The following ZNF362 variants were observed in gnomAD, a reference collection of about 807,000 sequenced individuals.
ZNF362 encodes the protein zinc finger protein 362, also known as rotund homolog.
ZNF362 carries 11 observed loss-of-function variants against 42.9 expected under a neutral mutation model. The observed-to-expected ratio is 0.26, with a 90% CI of 0.16 to 0.42. ZNF362 has a LOEUF of 0.42. Ranked by LOEUF, ZNF362 falls within the 20% of genes least tolerant of loss-of-function variation. The probability of loss-of-function intolerance (pLI) is 1.00; values close to 1 mark genes in which losing one functional copy is unlikely to be tolerated. For missense variants in ZNF362, 362 were observed against 576.2 expected, an observed-to-expected ratio of 0.63 and a Z score of 3.81; for synonymous variants, 255 against 257.3, an observed-to-expected ratio of 0.99 and a Z score of 0.09.
chr1:33,220,886 G>A, the ZNF362 span, among the ~76,000 whole-genome samples: 1 of 152,184 alleles, frequency 6.6e-6, no homozygotes, highest in South Asian at 2.1e-4. Flanking sequence ...TTCTGGGCAA[G>A]TTCTTTGAAT....
chr1:33,165,288 A>G, the ZNF362 span: 7 of 540,528 alleles, frequency 1.3e-5, no homozygotes, highest in South Asian at 9.3e-5. The surrounding 1 kb of genome is among the most constrained non-coding windows in gnomAD (Gnocchi z 4.0). Context: ...GTGCCGCCCC[A>G]TTGAACTTCA....
At chr1:33,220,085 C>T in the ZNF362 span, among the ~76,000 whole-genome samples, 15 of 152,020 alleles carry the variant, frequency 9.9e-5, no homozygotes, top group Non-Finnish European at 1.5e-4. Context: ...AGAGGGAGAG[C>T]GCAGTGGAGC....
intron 1 of ZNF362, among the ~76,000 whole-genome samples, chr1:33,262,845 C>T (rs533838608): frequency 6.6e-6 from 1 of 152,314 alleles, no homozygotes; most frequent in East Asian, 1.9e-4. Flanking sequence ...AAACTGGATC[C>T]CTAGGAGCCA....
the ZNF362 span, among the ~76,000 whole-genome samples, chr1:33,150,136 T>C: frequency 6.6e-6 from 1 of 152,232 alleles, no homozygotes; most frequent in Non-Finnish European, 1.5e-5. Flanking sequence ...TTGGCTTTCC[T>C]TAGCCTGAAT....
upstream of ZNF362, among the ~76,000 whole-genome samples, chr1:33,253,908 A>G (rs1645772655): frequency 6.6e-6 from 1 of 152,138 alleles, no homozygotes. Flanking sequence ...TATGTTTTAG[A>G]ACATTTTTAG....
chr1:33,245,112 G>A, the ZNF362 span, among the ~76,000 whole-genome samples: 2 of 152,114 alleles, frequency 1.3e-5, no homozygotes, highest in African/African-American at 2.4e-5. Context: ...CTTCTCCTTC[G>A]CAGGGGCCTG....
the ZNF362 span, among the ~76,000 whole-genome samples, chr1:33,175,863 T>C: frequency 6.6e-6 from 1 of 152,226 alleles, no homozygotes; most frequent in African/African-American, 2.4e-5. Flanking sequence ...TATAATTTTA[T>C]AGAGTCATTG....
chr1:33,220,165 G>C, the ZNF362 span, among the ~76,000 whole-genome samples: 2 of 152,162 alleles, frequency 1.3e-5, no homozygotes, highest in Admixed American at 1.3e-4. Flanking sequence ...GGGCAGGGAA[G>C]GGGTTGTAAG....
At chr1:33,226,602 C>T in the ZNF362 span, among the ~76,000 whole-genome samples, 3 of 152,294 alleles carry the variant, frequency 2.0e-5, no homozygotes, top group East Asian at 1.9e-4. Flanking sequence ...CCATGGCTCA[C>T]GCCTGTAATC....
At chr1:33,290,718 A>T (rs1211479330) in intron 6 of ZNF362, among the ~76,000 whole-genome samples, 1 of 152,088 alleles carries the variant, frequency 6.6e-6, no homozygotes, top group African/African-American at 2.4e-5. Context: ...TATCCTCTCC[A>T]GCACCTGTTG....
the ZNF362 span, chr1:33,181,043 G>T: frequency 6.3e-7 from 1 of 1,593,164 alleles, no homozygotes; most frequent in Non-Finnish European, 8.5e-7. The surrounding 1 kb of genome is among the most constrained non-coding windows in gnomAD (Gnocchi z 6.5). Context: ...CGTCGAAGGC[G>T]TCGTCGATGC....
chr1:33,161,631 C>G, the ZNF362 span, among the ~76,000 whole-genome samples: 6 of 152,244 alleles, frequency 3.9e-5, no homozygotes, highest in East Asian at 7.7e-4. The surrounding 1 kb of genome is among the most constrained non-coding windows in gnomAD (Gnocchi z 4.3). Context: ...GCCAGGCTGC[C>G]GTGGCCTTCC....
chr1:33,148,530 T>C, the ZNF362 span, among the ~76,000 whole-genome samples: 1 of 152,154 alleles, frequency 6.6e-6, no homozygotes, highest in Non-Finnish European at 1.5e-5. Flanking sequence ...GGATGGTGTT[T>C]TACCTATGAC....
chr1:33,169,869 T>C, the ZNF362 span, among the ~76,000 whole-genome samples: 1 of 152,230 alleles, frequency 6.6e-6, no homozygotes, highest in Non-Finnish European at 1.5e-5. Flanking sequence ...GCAGACACAC[T>C]GAGCAGCTCG....
At chr1:33,158,320 C>T in the ZNF362 span, 13 of 1,613,980 alleles carry the variant, frequency 8.1e-6, no homozygotes, top group African/African-American at 8.0e-5. Flanking sequence ...ACTTGGAGGT[C>T]GGGAAGTCTT....
the ZNF362 span, among the ~76,000 whole-genome samples, chr1:33,134,137 G>A: frequency 5.3e-5 from 8 of 152,288 alleles, no homozygotes; most frequent in South Asian, 8.3e-4. Context: ...AACACTTACC[G>A]TGGGCCAGGC....
Position 33,294,852 on chromosome 1 carries a change from T to G in ZNF362, c.909-85T>G, listed in dbSNP as rs1197402834. On this transcript the variant is annotated intron_variant, in intron 6 of 8. Coordinates refer to ENST00000539719, the MANE Select transcript of ZNF362 (RefSeq NM_152493.3). The surrounding 1 kb of genome is among the most constrained non-coding windows in gnomAD (Gnocchi z 4.2). Reference sequence around the variant, plus strand: ...TGGGCAGGGTAGGGACCGAGAGGCTTAGGGGCCAGAGTAAGGACTTGGGAA... The same window carrying G: ...TGGGCAGGGTAGGGACCGAGAGGCTGAGGGGCCAGAGTAAGGACTTGGGAA... 5 of 1,488,440 alleles carry G rather than the reference T, an allele frequency of 3.4e-6. No homozygotes were observed. In the African/African-American group the frequency reaches 7.0e-5, roughly 21 times the overall value. 92.2% of individuals were successfully genotyped at this position (1,488,440 alleles called of 1,614,324 possible). A position where few individuals can be genotyped will look rare whatever the true frequency, so the allele number is the denominator to read the frequency against.
chr1:33,291,883 T>C (rs1290724198), intron 6 of ZNF362, among the ~76,000 whole-genome samples: 1 of 152,224 alleles, frequency 6.6e-6, no homozygotes. Context: ...GTTATTGGTG[T>C]ATAAGAATGC....
the ZNF362 span, among the ~76,000 whole-genome samples, chr1:33,154,526 G>A: frequency 5.3e-5 from 8 of 151,990 alleles, no homozygotes; most frequent in Non-Finnish European, 8.8e-5. Flanking sequence ...GAGGCTGGGC[G>A]CGGTGGCTCA....
Sources: allele counts gnomAD v4.1 joint callset (sites outside exome capture counted in the v4.1 genomes callset), GRCh38; gene constraint gnomAD v4.1.1; non-coding constraint Gnocchi (gnomAD v3.1); transcripts MANE v1.5; gene names NCBI Gene and HGNC (gene_info 2026-07-23, HGNC 2026-07-21).